The following FMN2 variants were observed in gnomAD, a reference collection of about 807,000 sequenced individuals.
The protein encoded by FMN2 is formin 2.
FMN2 carries 51 observed loss-of-function variants against 142.3 expected under a neutral mutation model. The observed-to-expected ratio is 0.36, with a 90% CI of 0.29 to 0.45. The LOEUF (loss-of-function observed/expected upper bound fraction) is 0.45. Among genes scored for constraint, FMN2 ranks in the 20% least tolerant of loss-of-function variants. FMN2 has a pLI of 1.00. For missense variants in FMN2, 1,936 were observed against 2,122.8 expected (o/e 0.91, Z 1.73); for synonymous variants, 882 against 869.8 (o/e 1.01, Z -0.25).
At chr1:240,140,620 A>AGGATTTTATATGTAGAACAGCTCAT in intron 2 of FMN2, among the ~76,000 whole-genome samples, 1 of 142,960 alleles carries the variant, frequency 7.0e-6, no homozygotes, top group Non-Finnish European at 1.5e-5. Flanking sequence ...TGATATTTAC[A>AGGATTTTATATGTAGAACAGCTCAT]GGATTTTATA....
intron 2 of FMN2, among the ~76,000 whole-genome samples, chr1:240,151,373 CAG>C (rs1200846514): frequency 2.0e-5 from 3 of 152,086 alleles, no homozygotes; most frequent in Non-Finnish European, 4.4e-5. Context: ...TGGTTGGTGA[CAG>C]ATCTTAAGGC....
Position 240,472,119 on chromosome 1 carries a change from T to C in FMN2, c.5061-253T>C, listed in dbSNP as rs1056423825. ...ATGCATACACACTCTGCATAGAAAT[T>C]CTTATGTGTTTGTATATTACTCCAT... is the stretch of plus-strand genomic sequence containing the variant. On this transcript the variant is annotated intron_variant, in intron 16 of 17. Coordinates refer to ENST00000319653, the MANE Select transcript of FMN2 (RefSeq NM_020066.5). The C allele has an allele frequency of 8.0e-6, 3 of 372,832 alleles. No individual in the cohort carries two copies. The South Asian group carries it at 1.3e-4, about 16-fold the overall frequency. 23.1% of individuals were successfully genotyped at this position (372,832 alleles called of 1,614,324 possible).
At chr1:240,309,460 C>A (rs1360984325) in intron 8 of FMN2, among the ~76,000 whole-genome samples, 4 of 152,142 alleles carry the variant, frequency 2.6e-5, no homozygotes, top group Admixed American at 6.5e-5. Flanking sequence ...CACAGGCAAG[C>A]CTTGGCTGGT....
At chr1:240,137,307 T>C (rs914218689) in intron 2 of FMN2, among the ~76,000 whole-genome samples, 9 of 152,168 alleles carry the variant, frequency 5.9e-5, no homozygotes, top group African/African-American at 1.9e-4. Flanking sequence ...AAGGGCCAGA[T>C]AGAAAATATT....
At chr1:240,122,071 A>T (rs116324453) in intron 1 of FMN2, among the ~76,000 whole-genome samples, 1 of 143,230 alleles carries the variant, frequency 7.0e-6, no homozygotes, top group East Asian at 2.0e-4. Flanking sequence ...AAAATTAATT[A>T]ATTAATTTAT....
intron 1 of FMN2, among the ~76,000 whole-genome samples, chr1:240,097,847 GT>G (rs1421984731): frequency 2.0e-5 from 3 of 152,090 alleles, no homozygotes; most frequent in African/African-American, 4.8e-5. Flanking sequence ...AGGTGTAGCT[GT>G]TTATCCTCAT....
intron 13 of FMN2, among the ~76,000 whole-genome samples, chr1:240,353,646 T>C (rs1322296811): frequency 2.6e-5 from 4 of 152,210 alleles, no homozygotes; most frequent in African/African-American, 4.8e-5. Flanking sequence ...TTGTGAACTA[T>C]AGAAATGTGG....
intron 14 of FMN2, among the ~76,000 whole-genome samples, chr1:240,378,437 C>T (rs1282951098): frequency 6.6e-6 from 1 of 152,176 alleles, no homozygotes; most frequent in African/African-American, 2.4e-5. Context: ...AGGTGGGAGC[C>T]ACCATGTCTG....
chr1:240,206,715 A>G (rs925121954), intron 4 of FMN2, 84 bp from the exon 5 acceptor site: 10 of 1,444,526 alleles, frequency 6.9e-6, no homozygotes, highest in East Asian at 2.3e-5. Context: ...ATGACAACAA[A>G]CAGATATAAT....
At chr1:240,293,504 C>A (rs368214622) in intron 7 of FMN2, among the ~76,000 whole-genome samples, 7 of 152,026 alleles carry the variant, frequency 4.6e-5, no homozygotes, top group African/African-American at 1.4e-4. Flanking sequence ...GGTTTTGTGC[C>A]TTTTCTTACA....
At chr1:240,244,065 C>G (rs1476411498) in intron 6 of FMN2, among the ~76,000 whole-genome samples, 1 of 152,138 alleles carries the variant, frequency 6.6e-6, no homozygotes, top group Non-Finnish European at 1.5e-5. Flanking sequence ...TTGAAATTTA[C>G]CTTAATTCAT....
intron 2 of FMN2, among the ~76,000 whole-genome samples, chr1:240,132,566 A>G (rs1662782839): frequency 1.3e-5 from 2 of 152,150 alleles, no homozygotes; most frequent in South Asian, 2.1e-4. Context: ...TTAATGTCCC[A>G]TAGAATGTAG....
intron 7 of FMN2, among the ~76,000 whole-genome samples, chr1:240,283,252 C>T (rs976115913): frequency 2.0e-5 from 3 of 152,100 alleles, no homozygotes; most frequent in Non-Finnish European, 4.4e-5. Context: ...TTTGTATCCA[C>T]CACAGATTAT....
intron 8 of FMN2, among the ~76,000 whole-genome samples, chr1:240,296,438 C>CTTTTTGTTTTTTTT (rs1669986529): frequency 2.1e-5 from 1 of 46,910 alleles, no homozygotes; most frequent in African/African-American, 9.9e-5. Flanking sequence ...TCTTTGAGTG[C>CTTTTTGTTTTTTTT]TTTTTTTTTT....
intron 2 of FMN2, among the ~76,000 whole-genome samples, chr1:240,126,802 C>G (rs1662527578): frequency 6.6e-6 from 1 of 152,126 alleles, no homozygotes; most frequent in Non-Finnish European, 1.5e-5. Context: ...AAATGTGTTT[C>G]CTATTCAAAA....
chr1:240,433,852 G>C (rs976574111), intron 15 of FMN2, among the ~76,000 whole-genome samples: 9 of 152,074 alleles, frequency 5.9e-5, no homozygotes, highest in Non-Finnish European at 1.0e-4. Context: ...TTTGAGTTTC[G>C]TTGGGGACGT....
intron 2 of FMN2, among the ~76,000 whole-genome samples, chr1:240,138,475 G>A (rs540484437): frequency 3.3e-5 from 5 of 151,932 alleles, no homozygotes; most frequent in East Asian, 1.9e-4. Context: ...TGAGGCGGGC[G>A]GATCACTTAA....
chr1:240,372,979 ATACG>A (rs1672921994), intron 14 of FMN2, among the ~76,000 whole-genome samples: 1 of 152,156 alleles, frequency 6.6e-6, no homozygotes, highest in South Asian at 2.1e-4. Flanking sequence ...GAGGTCAGGT[ATACG>A]AGACCAGCCT....
chr1:240,421,048 A>C (rs999040843), intron 15 of FMN2, among the ~76,000 whole-genome samples: 1 of 152,130 alleles, frequency 6.6e-6, no homozygotes, highest in Non-Finnish European at 1.5e-5. Context: ...TGTCGAAGCC[A>C]ATGGGGAGTC....
Sources: allele counts gnomAD v4.1 joint callset (sites outside exome capture counted in the v4.1 genomes callset), GRCh38; gene constraint gnomAD v4.1.1; transcripts MANE v1.5; gene names NCBI Gene and HGNC (gene_info 2026-07-23, HGNC 2026-07-21).